NCAM1: variants seen among roughly 807,000 people sequenced by gnomAD.
NCAM1 encodes neural cell adhesion molecule 1.
NCAM1 carries 14 observed loss-of-function variants against 109.8 expected under a neutral mutation model. That is an observed-to-expected ratio of 0.13 (90% CI 0.08 to 0.20). The LOEUF (loss-of-function observed/expected upper bound fraction) is 0.20. Ranked by LOEUF, NCAM1 falls within the 10% of genes least tolerant of loss-of-function variation. The probability of loss-of-function intolerance (pLI) is 1.00; values close to 1 mark genes in which losing one functional copy is unlikely to be tolerated. For missense variants in NCAM1, 774 were observed against 1,109.9 expected, an observed-to-expected ratio of 0.70 and a Z score of 4.30; for synonymous variants, 418 against 442.9, an observed-to-expected ratio of 0.94 and a Z score of 0.70.
At chr11:113,007,218 G>T (rs1247348993) in intron 1 of NCAM1, among the ~76,000 whole-genome samples, 2 of 152,198 alleles carry the variant, frequency 1.3e-5, no homozygotes, top group African/African-American at 2.4e-5. Context: ...TTGAGACAGG[G>T]TTTCACTCTG....
chr11:113,201,573 G>C (rs1432131713), intron 1 of NCAM1, among the ~76,000 whole-genome samples: 1 of 152,236 alleles, frequency 6.6e-6, no homozygotes. Flanking sequence ...AGATAAACGA[G>C]GAGCAGATGA....
At chr11:113,150,579 C>A (rs1483545776) in intron 1 of NCAM1, among the ~76,000 whole-genome samples, 8 of 152,166 alleles carry the variant, frequency 5.3e-5, no homozygotes, top group Non-Finnish European at 8.8e-5. Context: ...AGCATAGGAC[C>A]CTTTCCCTGC....
intron 17 of NCAM1, chr11:113,265,231 G>T (rs2137715251): frequency 1.1e-6 from 1 of 922,502 alleles, no homozygotes; most frequent in Non-Finnish European, 1.3e-6. Context: ...TTCAATAGTT[G>T]TGTCTGACAA....
intron 1 of NCAM1, among the ~76,000 whole-genome samples, chr11:113,160,201 C>T (rs901249672): frequency 6.6e-6 from 1 of 152,148 alleles, no homozygotes; most frequent in African/African-American, 2.4e-5. Flanking sequence ...CTTCCTAGGG[C>T]AGTCTTTGAA....
At chr11:113,088,056 G>A (rs189612627) in intron 1 of NCAM1, among the ~76,000 whole-genome samples, 72 of 152,268 alleles carry the variant, frequency 4.7e-4, no homozygotes, top group Admixed American at 4.1e-3. Context: ...TGTTGAGATC[G>A]TTATTTCAAC....
intron 2 of NCAM1, 47 bp from the exon 3 acceptor site, chr11:113,204,239 T>C: frequency 6.7e-7 from 1 of 1,490,606 alleles, no homozygotes. Context: ...GGGGACTTAT[T>C]AGTCTTTTCG....
At chr11:113,180,081 G>A (rs570258189) in intron 1 of NCAM1, among the ~76,000 whole-genome samples, 43 of 152,310 alleles carry the variant, frequency 2.8e-4, no homozygotes, top group Admixed American at 1.1e-3. Flanking sequence ...CACTGCTGCA[G>A]CTGCTGCTCC....
chr11:113,152,965 A>T (rs1591370303), intron 1 of NCAM1, among the ~76,000 whole-genome samples: 2 of 152,222 alleles, frequency 1.3e-5, no homozygotes, highest in African/African-American at 2.4e-5. Flanking sequence ...AGAATGAATT[A>T]TAGAGGGTCG....
At chr11:113,175,595 AGTAAGGCT>A (rs1290284184) in intron 1 of NCAM1, among the ~76,000 whole-genome samples, 1 of 152,224 alleles carries the variant, frequency 6.6e-6, no homozygotes, top group Non-Finnish European at 1.5e-5. Flanking sequence ...GGGTATTGCT[AGTAAGGCT>A]GTTATGATAC....
At chr11:113,180,836 G>C (rs782663809) in intron 1 of NCAM1, among the ~76,000 whole-genome samples, 2 of 152,132 alleles carry the variant, frequency 1.3e-5, no homozygotes, top group Non-Finnish European at 2.9e-5. Context: ...CCAGCTCTTC[G>C]TCTGTATAAT....
chr11:113,193,286 G>A (rs1943744160), intron 1 of NCAM1, among the ~76,000 whole-genome samples: 1 of 152,176 alleles, frequency 6.6e-6, no homozygotes, highest in African/African-American at 2.4e-5. Flanking sequence ...TCTAGGACAT[G>A]TCTGTCTCCT....
At chr11:113,242,841 C>T in intron 14 of NCAM1, 1 of 1,614,000 alleles carries the variant, frequency 6.2e-7, no homozygotes, top group Non-Finnish European at 8.5e-7. Context: ...ACCACAGAAC[C>T]AGCTAGTGAG....
chr11:113,241,093 G>A (rs1281974135), intron 14 of NCAM1, among the ~76,000 whole-genome samples: 1 of 152,220 alleles, frequency 6.6e-6, no homozygotes, highest in Non-Finnish European at 1.5e-5. Context: ...CCCCAAGGCT[G>A]CCGCCCTGGG....
intron 9 of NCAM1, among the ~76,000 whole-genome samples, chr11:113,224,292 G>A (rs77911100): frequency 1.3e-5 from 2 of 152,206 alleles, no homozygotes; most frequent in African/African-American, 2.4e-5. Flanking sequence ...TATATCCCGC[G>A]CATGGCTCAG....
chr11:113,188,826 T>A (rs138584201), intron 1 of NCAM1, among the ~76,000 whole-genome samples: 11 of 150,990 alleles, frequency 7.3e-5, no homozygotes, highest in Admixed American at 2.0e-4. Context: ...TGTGTGTGTG[T>A]GAGTGTGAGT....
chr11:113,199,795 G>A (rs1332258702), intron 1 of NCAM1, among the ~76,000 whole-genome samples: 2 of 87,814 alleles, frequency 2.3e-5, no homozygotes, highest in Non-Finnish European at 4.5e-5. Context: ...ATAAAAAAAA[G>A]AATATTTTGC....
At chr11:113,227,406 C>T (rs1372619771) in intron 9 of NCAM1, among the ~76,000 whole-genome samples, 8 of 152,126 alleles carry the variant, frequency 5.3e-5, no homozygotes, top group African/African-American at 1.7e-4. Flanking sequence ...TCTGAATAGA[C>T]CAATAACAGG....
At chr11:113,098,111 A>G (rs1483183241) in intron 1 of NCAM1, among the ~76,000 whole-genome samples, 3 of 152,226 alleles carry the variant, frequency 2.0e-5, no homozygotes, top group Non-Finnish European at 4.4e-5. Context: ...ATACTAAGTG[A>G]TCTAAGTGCC....
intron 1 of NCAM1, among the ~76,000 whole-genome samples, chr11:113,095,437 A>G (rs1371674591): frequency 6.6e-6 from 1 of 152,164 alleles, no homozygotes; most frequent in Non-Finnish European, 1.5e-5. Context: ...TGAGCAAATG[A>G]ATAGCTACAC....
Sources: allele counts gnomAD v4.1 joint callset (sites outside exome capture counted in the v4.1 genomes callset), GRCh38; gene constraint gnomAD v4.1.1; transcripts MANE v1.5; gene names NCBI Gene and HGNC (gene_info 2026-07-23, HGNC 2026-07-21).